GALNT18: variants seen among roughly 807,000 people sequenced by gnomAD.
GALNT18 encodes the protein GalNAc-transferase 18.
GALNT18 carries 44 observed loss-of-function variants against 69.5 expected under a neutral mutation model. That is an observed-to-expected ratio of 0.63 (90% confidence interval 0.50 to 0.81). The LOEUF is 0.81. Among genes scored for constraint, GALNT18 ranks in the 40% least tolerant of loss-of-function variants. GALNT18 has a pLI of 0.00. For synonymous variants in GALNT18, 364 were observed against 318.2 expected, an observed-to-expected ratio of 1.14 and a Z score of -1.53; for missense variants, 715 against 810.0, an observed-to-expected ratio of 0.88 and a Z score of 1.42.
At chr11:11,327,305 T>A in intron 8 of GALNT18, 124 bp from the exon 9 acceptor site, 1 of 727,806 alleles carries the variant, frequency 1.4e-6, no homozygotes, top group Non-Finnish European at 2.4e-6. Context: ...CCCAAGGCCC[T>A]TGAACACTAT....
At position 11,543,468 on chromosome 11, in the gene GALNT18, C is replaced by T. The variant is rs1203169694; in HGVS notation, c.235+77891G>A. Among the ~76,000 whole-genome samples, 3 of 152,300 alleles carry T rather than the reference C, an allele frequency of 2.0e-5. No homozygotes were observed. Among genetic ancestry groups the T allele is most frequent in the Non-Finnish European group, 4.4e-5 (3 of 68,030 alleles). On this transcript the variant is annotated intron_variant, in intron 1 of 10. Transcript: ENST00000227756. This position sits in a 1 kb window ranked among gnomAD's most constrained non-coding sequence, Gnocchi z 5.1. ...GTCGGGGATGTCCCTTCTCTGCTAC[C>T]CTGTCCCCACCGTCCCCACCACCCA... is the stretch of plus-strand genomic sequence containing the variant.
rs575821533 is a variant in GALNT18, at chr11:11,598,136, C to T, written c.235+23223G>A. The stretch of plus-strand genomic sequence containing the variant: ...CCACTTGCTTTAGGTTTAGTTTGCT[C>T]TTCTTTTTGCAGTTTCTTAAGGTTG... On this transcript the variant is annotated intron_variant, in intron 1 of 10. Transcript: ENST00000227756. The surrounding 1 kb of genome is among the most constrained non-coding windows in gnomAD (Gnocchi z 4.8). Among the ~76,000 whole-genome samples the T allele has an allele frequency of 7.9e-5, 12 of 152,070 alleles. No individual in the cohort carries two copies. The South Asian group carries it at 2.5e-3, about 32-fold the overall frequency.
At chr11:11,325,533 T>TA (rs1360455978) in intron 9 of GALNT18, among the ~76,000 whole-genome samples, 3 of 151,890 alleles carry the variant, frequency 2.0e-5, no homozygotes, top group Admixed American at 2.0e-4. Context: ...AAATAAAAAT[T>TA]AAAAAAATAT....
Position 11,448,771 on chromosome 11 carries a change from C to T in GALNT18, c.401G>A (p.Arg134Gln), listed in dbSNP as rs769546500. The T allele has an allele frequency of 8.1e-6, 13 of 1,612,612 alleles. No individual in the cohort carries two copies. Among genetic ancestry groups the T allele is most frequent in the Admixed American group, 1.7e-5 (1 of 59,966 alleles). ...ACTGGGTCTGAGGTCAGGCAGGGGC[C>T]GGTCCAGGGGCAGGCGGTCGCTGAG... ...AYLSDRLPLD[R>Q]PLPDLRPSGC... The change falls in exon 2 of 11, where the codon CGG becomes CAG. Residue 134 changes from arginine (R) to glutamine (Q), a missense_variant. Transcript: ENST00000227756.
Position 11,459,576 on chromosome 11 carries a change from C to T in GALNT18, c.236-10640G>A, listed in dbSNP as rs1307107702. On this transcript the variant is annotated intron_variant, in intron 1 of 10. Coordinates refer to ENST00000227756, the MANE Select transcript of GALNT18 (RefSeq NM_198516.3). This position sits in a 1 kb window ranked among gnomAD's most constrained non-coding sequence, Gnocchi z 5.0. ...GCTGAGCCCACCAGACTGAGGAGCT[C>T]TGGAGGCACCTCTGCCCTGGATTGG... 2.6e-5 allele frequency among the ~76,000 whole-genome samples: 4 copies of T among 152,214 alleles called. No homozygotes were observed. Among genetic ancestry groups the T allele is most frequent in the African/African-American group, 9.6e-5 (4 of 41,456 alleles).
At position 11,596,334 on chromosome 11, in the gene GALNT18, G is replaced by C. The variant is rs1859499937; in HGVS notation, c.235+25025C>G. 6.6e-6 allele frequency among the ~76,000 whole-genome samples: 1 copy of C among 151,986 alleles called. No individual in the cohort carries two copies. Among genetic ancestry groups the C allele is most frequent in the South Asian group, 2.1e-4 (1 of 4,802 alleles). On this transcript the variant is annotated intron_variant, in intron 1 of 10. Coordinates refer to ENST00000227756, the MANE Select transcript of GALNT18 (RefSeq NM_198516.3). The surrounding 1 kb of genome is among the most constrained non-coding windows in gnomAD (Gnocchi z 4.2). ...CAAAAAAATGTGAGTTGTCCATTTT[G>C]TTTTTGTTTTTCAAGATTATTTGGC...
At chr11:11,416,870 A>C (rs745543536) in intron 3 of GALNT18, among the ~76,000 whole-genome samples, 1 of 152,164 alleles carries the variant, frequency 6.6e-6, no homozygotes, top group African/African-American at 2.4e-5. Flanking sequence ...GAGCCAACCC[A>C]TGAATAGGAC....
chr11:11,485,135 C>G (rs1856616585), intron 1 of GALNT18, among the ~76,000 whole-genome samples: 1 of 152,218 alleles, frequency 6.6e-6, no homozygotes, highest in African/African-American at 2.4e-5. Context: ...AGGGTTTCCT[C>G]CTGTTCTCAC....
rs1234174588 is a variant in GALNT18, at chr11:11,444,445, T to C, written c.428+4299A>G. Among the ~76,000 whole-genome samples, 1 of 152,216 alleles carries C rather than the reference T, an allele frequency of 6.6e-6. No individual in the cohort carries two copies. Among genetic ancestry groups the C allele is most frequent in the Non-Finnish European group, 1.5e-5 (1 of 68,026 alleles). ...CCATCTCAGTGTAAACTCCAGGAGATATCCGTCCGACGCTTTGTTGGGTGC... is the reference window on the plus strand; with the variant it reads ...CCATCTCAGTGTAAACTCCAGGAGACATCCGTCCGACGCTTTGTTGGGTGC... On this transcript the variant is annotated intron_variant, in intron 2 of 10. Coordinates refer to ENST00000227756, the MANE Select transcript of GALNT18 (RefSeq NM_198516.3). This position sits in a 1 kb window ranked among gnomAD's most constrained non-coding sequence, Gnocchi z 4.4.
chr11:11,514,246 G>A (rs1239080939), intron 1 of GALNT18, among the ~76,000 whole-genome samples: 1 of 152,252 alleles, frequency 6.6e-6, no homozygotes. Flanking sequence ...TCTAGGTACT[G>A]GAGCTCCAAA....
intron 10 of GALNT18, among the ~76,000 whole-genome samples, chr11:11,276,461 A>G (rs1353871062): frequency 5.3e-5 from 8 of 152,158 alleles, no homozygotes; most frequent in African/African-American, 1.9e-4. Flanking sequence ...ATATACAATC[A>G]TGTCATCTGC....
At chr11:11,434,402 T>C (rs1157715043) in intron 2 of GALNT18, among the ~76,000 whole-genome samples, 1 of 152,200 alleles carries the variant, frequency 6.6e-6, no homozygotes. Context: ...CTACAGGCAC[T>C]GAGGGTACAG....
chr11:11,442,276 T>C (rs1225807767), intron 2 of GALNT18, among the ~76,000 whole-genome samples: 1 of 152,192 alleles, frequency 6.6e-6, no homozygotes, highest in Non-Finnish European at 1.5e-5. Context: ...TTAAGTGCCC[T>C]TGGGGTTAGA....
Position 11,602,224 on chromosome 11 carries a change from T to C in GALNT18, c.235+19135A>G, listed in dbSNP as rs1332517699. ...GCTGGGTGGAGATGGTAGTCACTGA[T>C]CTTCTTGAATTGTCTCTCCTGTTAT... On this transcript the variant is annotated intron_variant, in intron 1 of 10. Transcript: ENST00000227756. The surrounding 1 kb of genome is among the most constrained non-coding windows in gnomAD (Gnocchi z 4.7). Among the ~76,000 whole-genome samples, 4 of 152,146 alleles carry C rather than the reference T, an allele frequency of 2.6e-5. No homozygotes were observed. The highest frequency in any genetic ancestry group is 9.7e-5 in the African/African-American group (4 of 41,426).
rs1270341450 is a variant in GALNT18 at position 11,452,229 on chromosome 11, G to A, written c.236-3293C>T. On this transcript the variant is annotated intron_variant, in intron 1 of 10. Transcript: ENST00000227756. Reference sequence around the variant, plus strand: ...AGAATTGGTTAAGAACACTGGCTGTGGAGTCAGAATCCTAGGGTTTATCCT... The same window carrying A: ...AGAATTGGTTAAGAACACTGGCTGTAGAGTCAGAATCCTAGGGTTTATCCT... 1.2e-4 allele frequency among the ~76,000 whole-genome samples: 18 copies of A among 152,346 alleles called. No individual in the cohort carries two copies. The East Asian group carries it at 3.3e-3, about 28-fold the overall frequency.
At chr11:11,351,865 C>T in intron 6 of GALNT18, 1 of 1,132,378 alleles carries the variant, frequency 8.8e-7, no homozygotes, top group South Asian at 1.5e-5. Context: ...TTTCACCCCT[C>T]CCCGCCAGGC....
At position 11,483,851 on chromosome 11, in the gene GALNT18, T is replaced by A. The variant is rs1328311752; in HGVS notation, c.236-34915A>T. 2.0e-5 allele frequency among the ~76,000 whole-genome samples: 3 copies of A among 151,906 alleles called. No individual in the cohort carries two copies. In the South Asian group the frequency reaches 6.3e-4, roughly 32 times the overall value. ...AATGAGCTCAATATCCGTGGGCGAGTTGGTATTTAGGCTCCTTTCCGTGTG... is the reference window on the plus strand; with the variant it reads ...AATGAGCTCAATATCCGTGGGCGAGATGGTATTTAGGCTCCTTTCCGTGTG... On this transcript the variant is annotated intron_variant, in intron 1 of 10. Coordinates refer to ENST00000227756, the MANE Select transcript of GALNT18 (RefSeq NM_198516.3).
Position 11,595,953 on chromosome 11 carries a change from G to T in GALNT18, c.235+25406C>A, listed in dbSNP as rs1297183815. On this transcript the variant is annotated intron_variant, in intron 1 of 10. Transcript: ENST00000227756. The surrounding 1 kb of genome is among the most constrained non-coding windows in gnomAD (Gnocchi z 5.2). ...GTGCTTTTGATGTCATACCTAAGTG[G>T]CCTTTGCCTAATCTAAAGTCACAAA... Among the ~76,000 whole-genome samples, 1 of 151,950 alleles carries T rather than the reference G, an allele frequency of 6.6e-6. No homozygotes were observed. The highest frequency in any genetic ancestry group is 1.5e-5 in the Non-Finnish European group (1 of 67,958).
intron 2 of GALNT18, among the ~76,000 whole-genome samples, chr11:11,440,171 CTGCTATGTAAAAT>C (rs1470235885): frequency 6.6e-6 from 1 of 152,194 alleles, no homozygotes; most frequent in Non-Finnish European, 1.5e-5. Flanking sequence ...GAGAAAGGCT[CTGCTATGTAAAAT>C]GTAGACGGAA....
Sources: allele counts gnomAD v4.1 joint callset (sites outside exome capture counted in the v4.1 genomes callset), GRCh38; gene constraint gnomAD v4.1.1; non-coding constraint Gnocchi (gnomAD v3.1); transcripts MANE v1.5; gene names NCBI Gene and HGNC (gene_info 2026-07-23, HGNC 2026-07-21).